Variants in RGS6 observed in about 807,000 individuals in gnomAD.
RGS6 encodes the protein regulator of G-protein signaling 6.
In RGS6, 30 loss-of-function variants were observed where a neutral mutation model predicts 78.5. That is an observed-to-expected ratio of 0.38 (90% CI 0.29 to 0.52). The LOEUF is 0.52. Among genes scored for constraint, RGS6 ranks in the 20% least tolerant of loss-of-function variants. The probability of loss-of-function intolerance (pLI) is 0.85; values close to 1 mark genes in which losing one functional copy is unlikely to be tolerated. For synonymous variants in RGS6, 206 were observed against 206.0 expected, an observed-to-expected ratio of 1.00 and a Z score of 0.00; for missense variants, 495 against 609.7, an observed-to-expected ratio of 0.81 and a Z score of 1.98.
At chr14:72,011,944 T>G (rs968249311) in intron 2 of RGS6, among the ~76,000 whole-genome samples, 2 of 152,246 alleles carry the variant, frequency 1.3e-5, no homozygotes, top group Admixed American at 6.5e-5. Flanking sequence ...TTACTTTTTT[T>G]TGTTTTTCTG....
intron 2 of RGS6, among the ~76,000 whole-genome samples, chr14:72,027,477 G>A (rs536414543): frequency 6.6e-6 from 1 of 152,292 alleles, no homozygotes; most frequent in East Asian, 1.9e-4. Flanking sequence ...CCTCCACTGT[G>A]TGCTACCAAA....
At chr14:72,177,839 T>A (rs1567389790) in intron 2 of RGS6, among the ~76,000 whole-genome samples, 1 of 152,242 alleles carries the variant, frequency 6.6e-6, no homozygotes, top group Non-Finnish European at 1.5e-5. Flanking sequence ...AAGCCCAGTT[T>A]ACTTCATGCT....
chr14:72,297,384 TGA>T (rs138121493), intron 2 of RGS6, among the ~76,000 whole-genome samples: 7,403 of 151,702 alleles, frequency 0.049, 539 homozygotes, highest in African/African-American at 0.17. Context: ...TTAAGAATAT[TGA>T]GTTTTCTAAT....
intron 2 of RGS6, among the ~76,000 whole-genome samples, chr14:71,985,523 A>G (rs1057098717): frequency 6.6e-6 from 1 of 152,224 alleles, no homozygotes; most frequent in South Asian, 2.1e-4. Context: ...TTCCTAGGTC[A>G]AAATGCATGA....
intron 17 of RGS6, among the ~76,000 whole-genome samples, chr14:72,550,174 C>T (rs1015360824): frequency 1.3e-5 from 2 of 152,228 alleles, no homozygotes; most frequent in Admixed American, 6.5e-5. Context: ...TCTCATTAAA[C>T]ATGGCGATCC....
In RGS6 at chr14:72,383,213, T is replaced by TATATATATATATATATATAC. The variant is rs1387301746; in HGVS notation, c.184+31020_184+31021insTATATATATATATATATACA. Among the ~76,000 whole-genome samples the TATATATATATATATATATAC allele has an allele frequency of 6.8e-5, 8 of 118,336 alleles. 1 individual carries two copies. Among genetic ancestry groups the TATATATATATATATATATAC allele is most frequent in the Admixed American group, 1.8e-4 (2 of 11,332 alleles). The allele number at this position is 118,336 out of a possible 152,430, so 77.6% of individuals were successfully genotyped here. On this transcript the variant is annotated intron_variant, in intron 3 of 17. Coordinates refer to ENST00000553525, the MANE Select transcript of RGS6 (RefSeq NM_001204424.2). Reference sequence around the variant, plus strand: ...ATATATATATATATATATATATATATACACACAAACACACTAGTATGTGTG... The same window carrying TATATATATATATATATATAC: ...ATATATATATATATATATATATATATATATATATATATATATATACACACACAAACACACTAGTATGTGTG...
At chr14:72,417,970 G>A in intron 3 of RGS6, among the ~76,000 whole-genome samples, 1 of 152,044 alleles carries the variant, frequency 6.6e-6, no homozygotes, top group Non-Finnish European at 1.5e-5. Flanking sequence ...TAGCTTGGGG[G>A]CGATCTGAAC....
chr14:72,162,205 G>T (rs2096862468), intron 2 of RGS6, among the ~76,000 whole-genome samples: 1 of 151,926 alleles, frequency 6.6e-6, no homozygotes, highest in Non-Finnish European at 1.5e-5. Flanking sequence ...AACTATATGA[G>T]GAAAAAAAGA....
At chr14:72,332,548 G>T (rs551677963) in intron 2 of RGS6, among the ~76,000 whole-genome samples, 2 of 152,272 alleles carry the variant, frequency 1.3e-5, no homozygotes, top group South Asian at 4.2e-4. Context: ...ACACTTCCAT[G>T]ACCAGTGCTG....
intron 15 of RGS6, among the ~76,000 whole-genome samples, chr14:72,527,204 G>A (rs1317739838): frequency 6.6e-6 from 1 of 152,214 alleles, no homozygotes; most frequent in Non-Finnish European, 1.5e-5. Context: ...TACCCAAAAG[G>A]GAATTGTAAG....
intron 2 of RGS6, among the ~76,000 whole-genome samples, chr14:72,346,182 G>T (rs960817693): frequency 4.6e-5 from 7 of 152,120 alleles, no homozygotes; most frequent in Non-Finnish European, 1.0e-4. Context: ...AGTTGTGGTA[G>T]ATTTTTTTAA....
chr14:72,395,524 A>G (rs1054146867), intron 3 of RGS6, among the ~76,000 whole-genome samples: 1 of 152,062 alleles, frequency 6.6e-6, no homozygotes, highest in Non-Finnish European at 1.5e-5. Flanking sequence ...TTTTTTTACT[A>G]TCCAACATAA....
rs777821892 is a variant in RGS6 at position 72,033,399 on chromosome 14, AT to A, written c.84+68533del. Among the ~76,000 whole-genome samples, 13 of 150,898 alleles carry A rather than the reference AT, an allele frequency of 8.6e-5. No homozygotes were observed. In the South Asian group the frequency reaches 2.5e-3, roughly 29 times the overall value. ...CAGGCATGAGCCACCATGTCTGGCT[AT>A]TTTTTTTTATTATTTGTAGAGATGG... On this transcript the variant is annotated intron_variant, in intron 2 of 17. Coordinates refer to ENST00000553525, the MANE Select transcript of RGS6 (RefSeq NM_001204424.2).
intron 8 of RGS6, among the ~76,000 whole-genome samples, chr14:72,472,342 C>T (rs1446799696): frequency 1.3e-5 from 2 of 152,144 alleles, no homozygotes; most frequent in Non-Finnish European, 2.9e-5. Flanking sequence ...GGCCATTATT[C>T]TGCCTTTAGA....
At chr14:71,906,441 CCT>C in the RGS6 span, among the ~76,000 whole-genome samples, 2 of 152,216 alleles carry the variant, frequency 1.3e-5, no homozygotes, top group South Asian at 4.1e-4. Context: ...CACAGCTCAC[CCT>C]CTCTCTTAGC....
the RGS6 span, among the ~76,000 whole-genome samples, chr14:72,582,753 A>G: frequency 6.6e-6 from 1 of 152,116 alleles, no homozygotes; most frequent in Non-Finnish European, 1.5e-5. Flanking sequence ...GATGAATGAC[A>G]TGGCTATGAT....
At chr14:72,028,459 T>A (rs1404736868) in intron 2 of RGS6, among the ~76,000 whole-genome samples, 4 of 152,236 alleles carry the variant, frequency 2.6e-5, no homozygotes, top group Non-Finnish European at 4.4e-5. Context: ...GAGAATTTAT[T>A]TAAACATACT....
chr14:72,232,907 C>T (rs1038133067), intron 2 of RGS6, among the ~76,000 whole-genome samples: 2 of 152,202 alleles, frequency 1.3e-5, no homozygotes, highest in African/African-American at 4.8e-5. Context: ...GGCGTGCATG[C>T]AGCCTGTACG....
At chr14:72,178,161 A>G (rs1027221868) in intron 2 of RGS6, among the ~76,000 whole-genome samples, 12 of 152,212 alleles carry the variant, frequency 7.9e-5, no homozygotes, top group African/African-American at 2.4e-4. Flanking sequence ...TCATTCATTC[A>G]TTCACTTACA....
Sources: allele counts gnomAD v4.1 joint callset (sites outside exome capture counted in the v4.1 genomes callset), GRCh38; gene constraint gnomAD v4.1.1; transcripts MANE v1.5; gene names NCBI Gene and HGNC (gene_info 2026-07-23, HGNC 2026-07-21).